HGF: variants seen among roughly 807,000 people sequenced by gnomAD.
HGF encodes the protein hepatocyte growth factor.
A neutral mutation model predicts 111.6 loss-of-function variants in HGF; 39 were observed. That is an observed-to-expected ratio of 0.35 (90% CI 0.27 to 0.46). The LOEUF (loss-of-function observed/expected upper bound fraction) is 0.46, where lower values mean the gene tolerates loss of function less well. HGF is among the 20% of genes least tolerant of loss of function. The pLI is 1.00. For synonymous variants in HGF, 285 were observed against 294.8 expected, an observed-to-expected ratio of 0.97 and a Z score of 0.34; for missense variants, 735 against 910.5, an observed-to-expected ratio of 0.81 and a Z score of 2.48.
Position 81,769,718 on chromosome 7 carries a change from G to T in HGF, c.88+166C>A, listed in dbSNP as rs552610594. Among the ~76,000 whole-genome samples the T allele has an allele frequency of 2.6e-5, 4 of 151,530 alleles. No homozygotes were observed. In the South Asian group the frequency reaches 8.4e-4, roughly 32 times the overall value. On this transcript the variant is annotated intron_variant, in intron 1 of 17. Coordinates refer to ENST00000222390, the MANE Select transcript of HGF (RefSeq NM_000601.6). ...ATGCTATTCAAACAACAACAAAAAA[G>T]AATGTCAAAAAAAGCATAATGAGAG...
chr7:81,713,077 A>T (rs901058131), intron 11 of HGF, among the ~76,000 whole-genome samples: 2 of 152,184 alleles, frequency 1.3e-5, no homozygotes, highest in African/African-American at 2.4e-5. Flanking sequence ...AAAATGTTAA[A>T]TAAGTAGATA....
At chr7:81,757,038 G>A (rs576012455) in intron 4 of HGF, 151 bp downstream of exon 4, 1 of 655,622 alleles carries the variant, frequency 1.5e-6, no homozygotes, top group African/African-American at 1.8e-5. Flanking sequence ...CTAAATATCA[G>A]TCATGAATTC....
At chr7:81,722,844 G>GATATATATATATATATATATATATATAT (rs1789903945) in intron 9 of HGF, among the ~76,000 whole-genome samples, 1 of 126,314 alleles carries the variant, frequency 7.9e-6, no homozygotes, top group African/African-American at 4.2e-5. Context: ...AATTTAAAAA[G>GATATATATATATATATATATATATATAT]GTATATATAT....
intron 7 of HGF, among the ~76,000 whole-genome samples, chr7:81,732,336 T>C (rs1284400743): frequency 2.6e-5 from 4 of 152,174 alleles, no homozygotes; most frequent in African/African-American, 7.2e-5. Flanking sequence ...TTTCTAAATA[T>C]GGAAGCAGCT....
intron 4 of HGF, chr7:81,755,801 C>T (rs2116160255): frequency 1.3e-5 from 7 of 540,928 alleles, no homozygotes; most frequent in South Asian, 1.3e-4. Flanking sequence ...GGCATTTCTA[C>T]ATAATTGTAA....
rs149478020 is a variant in HGF at position 81,765,058 on chromosome 7, A to G, written c.89-2186T>C. On this transcript the variant is annotated intron_variant, in intron 1 of 17. Transcript: ENST00000222390. Reference sequence around the variant, plus strand: ...GTGTATAATTATATTAACTAAAAATATAAAATTGAAGTTGGCCTGATATAT... The same window carrying G: ...GTGTATAATTATATTAACTAAAAATGTAAAATTGAAGTTGGCCTGATATAT... Among the ~76,000 whole-genome samples the G allele has an allele frequency of 1.2e-3, 185 of 152,198 alleles. 9 individuals are homozygous for G. In the East Asian group the frequency reaches 0.025, roughly 20 times the overall value.
At chr7:81,763,360 T>C (rs1485467889) in intron 1 of HGF, among the ~76,000 whole-genome samples, 4 of 152,178 alleles carry the variant, frequency 2.6e-5, no homozygotes, top group Non-Finnish European at 5.9e-5. Flanking sequence ...TCTGACCTAC[T>C]CTTTAAAGTC....
chr7:81,729,532 G>A, intron 8 of HGF, 73 bp downstream of exon 8: 1 of 1,189,440 alleles, frequency 8.4e-7, no homozygotes, highest in South Asian at 1.2e-5. Flanking sequence ...CACAAAATTA[G>A]TAAAAAGTAA....
chr7:81,749,404 T>C (rs2116087439), intron 5 of HGF, among the ~76,000 whole-genome samples: 1 of 152,256 alleles, frequency 6.6e-6, no homozygotes, highest in South Asian at 2.1e-4. Flanking sequence ...CTAAAACTTT[T>C]GAATCAAGCA....
chr7:81,754,462 T>G (rs1788662815), intron 4 of HGF, among the ~76,000 whole-genome samples: 1 of 151,936 alleles, frequency 6.6e-6, no homozygotes, highest in Admixed American at 6.6e-5. Flanking sequence ...AGTGAATTAA[T>G]AAGTCAACAA....
chr7:81,727,047 TTG>T (rs1311608514), intron 8 of HGF, among the ~76,000 whole-genome samples: 9 of 56,082 alleles, frequency 1.6e-4, no homozygotes, highest in African/African-American at 4.7e-4. Flanking sequence ...GGTTTTTTTT[TTG>T]TTTTTTTTTT....
At chr7:81,747,182 T>TA (rs1302840339) in intron 5 of HGF, among the ~76,000 whole-genome samples, 2 of 152,022 alleles carry the variant, frequency 1.3e-5, no homozygotes, top group South Asian at 2.1e-4. Flanking sequence ...ACTAAAAATA[T>TA]AAAAAAATTA....
intron 6 of HGF, 52 bp downstream of exon 6, chr7:81,744,948 G>T (rs1451508810): frequency 2.5e-6 from 4 of 1,585,300 alleles, no homozygotes; most frequent in Non-Finnish European, 3.5e-6. Flanking sequence ...GTCATAGAGT[G>T]AATAATAGTT....
chr7:81,702,241 A>G lies in HGF; in HGVS notation c.*340T>C, dbSNP rs1789300232. ...TGGTTTACTCATTATTAAGAAACCA[A>G]CATCAGAAAGCAGCTTAGACAGATT... On this transcript the variant is annotated 3_prime_UTR_variant, in exon 18 of 18. Coordinates refer to ENST00000222390, the MANE Select transcript of HGF (RefSeq NM_000601.6). 6 of 259,696 alleles carry G rather than the reference A, an allele frequency of 2.3e-5. No homozygotes were observed. The highest frequency in any genetic ancestry group is 2.3e-4 in the East Asian group (4 of 17,676). 16.1% of individuals were successfully genotyped at this position (259,696 alleles called of 1,614,324 possible). A position where few individuals can be genotyped will look rare whatever the true frequency, so the allele number is the denominator to read the frequency against.
At chr7:81,707,494 C>A in intron 13 of HGF, 130 bp from the exon 14 acceptor site, 1 of 662,680 alleles carries the variant, frequency 1.5e-6, no homozygotes, top group Middle Eastern at 2.8e-4. Context: ...ATTAACCCAA[C>A]TGGAATAAAA....
Position 81,729,688 on chromosome 7 carries a change from G to A in HGF, c.957C>T (p.Thr319=), listed in dbSNP as rs747664002. The change falls in exon 8 of 18, where the codon ACC becomes ACT. Residue 319 remains threonine, a synonymous_variant. Coordinates refer to ENST00000222390, the MANE Select transcript of HGF (RefSeq NM_000601.6). ...GCTGACATGGAATTCCATTCCAAAT[G>A]GTATTGACAGTGCCCCTGTAGCCTT... ...QGEGYRGTVN[T]IWNGIPCQRW... 4 of 1,613,176 alleles carry A rather than the reference G, an allele frequency of 2.5e-6. No individual in the cohort carries two copies. The highest frequency in any genetic ancestry group is 3.4e-6 in the Non-Finnish European group (4 of 1,179,320).
rs532246490 is a variant in HGF at position 81,700,193 on chromosome 7, A to C, written c.*2388T>G. 2 of 151,812 alleles carry C rather than the reference A, an allele frequency of 1.3e-5. No individual in the cohort carries two copies. Among genetic ancestry groups the C allele is most frequent in the South Asian group, 4.1e-4 (2 of 4,822 alleles). 9.4% of individuals were successfully genotyped at this position (151,812 alleles called of 1,614,324 possible). A position where few individuals can be genotyped will look rare whatever the true frequency, so the allele number is the denominator to read the frequency against. On this transcript the variant is annotated 3_prime_UTR_variant, in exon 18 of 18. Transcript: ENST00000222390. The stretch of plus-strand genomic sequence containing the variant: ...TTTAAAAATGTTTAATGATTTATTC[A>C]GCAAAGAACACCTGGTAAATAGTGT...
chr7:81,736,270 G>A (rs1295110303), intron 7 of HGF, among the ~76,000 whole-genome samples: 6 of 152,022 alleles, frequency 3.9e-5, no homozygotes, highest in South Asian at 2.1e-4. Flanking sequence ...CGTACACTCC[G>A]TTCTATTTTG....
chr7:81,737,365 A>G (rs1325042317), intron 7 of HGF, among the ~76,000 whole-genome samples: 1 of 152,066 alleles, frequency 6.6e-6, no homozygotes, highest in African/African-American at 2.4e-5. Flanking sequence ...GCTCATAGGT[A>G]AATACTAATT....
Sources: allele counts gnomAD v4.1 joint callset (sites outside exome capture counted in the v4.1 genomes callset), GRCh38; gene constraint gnomAD v4.1.1; transcripts MANE v1.5; gene names NCBI Gene and HGNC (gene_info 2026-07-23, HGNC 2026-07-21).